The following COL6A2 variants were observed in gnomAD, a reference collection of about 807,000 sequenced individuals.
COL6A2 encodes collagen type VI alpha 2 chain, also known as collagen alpha-2(VI) chain.
A neutral mutation model predicts 124.9 loss-of-function variants in COL6A2; 90 were observed. The ratio of observed to expected loss-of-function variants is 0.72; its 90% CI spans 0.61 to 0.86. The LOEUF is 0.86. Among genes scored for constraint, COL6A2 ranks in the 40% least tolerant of loss-of-function variants. The probability of loss-of-function intolerance (pLI) is 0.00; values close to 1 mark genes in which losing one functional copy is unlikely to be tolerated. For synonymous variants in COL6A2, 793 were observed against 618.2 expected (o/e 1.28, Z -4.19); for missense variants, 1,607 against 1,502.5 (o/e 1.07, Z -1.15).
intron 27 of COL6A2, chr21:46,129,595 C>CGGGGTCAGCG: frequency 1.4e-6 from 2 of 1,437,504 alleles, no homozygotes; most frequent in Non-Finnish European, 1.8e-6. Context: ...GATCTGGAAT[C>CGGGGTCAGCG]GGGGTCAGCG....
chr21:46,128,137 A>T (rs1360538999), intron 27 of COL6A2, among the ~76,000 whole-genome samples: 2 of 152,152 alleles, frequency 1.3e-5, no homozygotes, highest in East Asian at 3.9e-4. Flanking sequence ...GAGTGAGCCC[A>T]TTCTCCCTCC....
rs779051092 is a variant in COL6A2 at position 46,116,858 on chromosome 21, G to C, written c.999+44G>C. ...TCACAGCTGGACTGGTCTCACAGAG[G>C]CATCCCAGCCTCTGCAGGGCCCCCA... On this transcript the variant is annotated intron_variant, in intron 10 of 27. Transcript: ENST00000300527. The surrounding 1 kb of genome is among the most constrained non-coding windows in gnomAD (Gnocchi z 4.6). 1 of 1,609,006 alleles carries C rather than the reference G, an allele frequency of 6.2e-7. No individual in the cohort carries two copies. Among genetic ancestry groups the C allele is most frequent in the South Asian group, 1.1e-5 (1 of 90,958 alleles).
chr21:46,100,542 A>G (rs890453280), intron 1 of COL6A2, among the ~76,000 whole-genome samples: 2 of 152,188 alleles, frequency 1.3e-5, no homozygotes, highest in Admixed American at 6.5e-5. Context: ...ACTGAAGCCC[A>G]TGGAGCACCA....
At chr21:46,114,098 G>T in intron 5 of COL6A2, 25 bp downstream of exon 5, 1 of 1,594,308 alleles carries the variant, frequency 6.3e-7, no homozygotes, top group Non-Finnish European at 8.6e-7. Context: ...TTACCTGCAG[G>T]GTCTGCGCTA....
At position 46,116,735 on chromosome 21, in the gene COL6A2, G is replaced by A. The variant is rs768672841; in HGVS notation, c.955-35G>A. 2.0e-5 allele frequency: 33 copies of A among 1,612,936 alleles called. No individual in the cohort carries two copies. The highest frequency in any genetic ancestry group is 2.4e-5 in the Non-Finnish European group (28 of 1,180,018). Reference sequence around the variant, plus strand: ...CCTGCTGCTCAGGGCAGAAGGACCGGGGCTAATGGAGTTCCCTCTTCCTTC... The same window carrying A: ...CCTGCTGCTCAGGGCAGAAGGACCGAGGCTAATGGAGTTCCCTCTTCCTTC... On this transcript the variant is annotated intron_variant, in intron 9 of 27. Coordinates refer to ENST00000300527, the MANE Select transcript of COL6A2 (RefSeq NM_001849.4). This position sits in a 1 kb window ranked among gnomAD's most constrained non-coding sequence, Gnocchi z 4.6.
chr21:46,121,482 G>A (rs1290550984), intron 17 of COL6A2, 74 bp from the exon 18 acceptor site: 17 of 1,431,478 alleles, frequency 1.2e-5, no homozygotes, highest in Admixed American at 1.7e-5. Flanking sequence ...GGGCTGGACG[G>A]GGCATGTCAG....
chr21:46,122,588 T>C (rs1248114609), intron 20 of COL6A2, 57 bp downstream of exon 20: 1 of 1,578,672 alleles, frequency 6.3e-7, no homozygotes, highest in East Asian at 2.2e-5. Flanking sequence ...GCACGCCCAA[T>C]TGCTGGGAAC....
At chr21:46,111,065 C>A (rs1381319910) in intron 1 of COL6A2, among the ~76,000 whole-genome samples, 10 of 152,190 alleles carry the variant, frequency 6.6e-5, no homozygotes, top group African/African-American at 2.4e-4. Flanking sequence ...CCCGCCCTCC[C>A]CTCTGCACTG....
intron 27 of COL6A2, chr21:46,129,697 G>A (rs927391594): frequency 2.8e-6 from 4 of 1,415,212 alleles, no homozygotes; most frequent in Non-Finnish European, 3.7e-6. Flanking sequence ...GCATCTTCCA[G>A]TCTCTCCTCC....
Position 46,132,126 on chromosome 21 carries a change from G to T in COL6A2, c.2634G>T (p.Ala878=). The T allele has an allele frequency of 6.3e-7, 1 of 1,579,578 alleles. No homozygotes were observed. The highest frequency in any genetic ancestry group is 8.6e-7 in the Non-Finnish European group (1 of 1,165,352). ...RDDDPLNARV[A]LLQFGGPGEQ... is the part of the protein sequence containing the mutation. ...ACGACCCTCTCAACGCACGCGTGGCGCTGCTGCAGTTTGGTGGCCCCGGCG... is the reference window on the plus strand; with the variant it reads ...ACGACCCTCTCAACGCACGCGTGGCTCTGCTGCAGTTTGGTGGCCCCGGCG... The change falls in exon 28 of 28, where the codon GCG becomes GCT. Residue 878 remains alanine (A), a synonymous_variant. Transcript: ENST00000300527.
At chr21:46,119,968 A>G in intron 15 of COL6A2, 118 bp downstream of exon 15, 3 of 901,228 alleles carry the variant, frequency 3.3e-6, no homozygotes, top group Non-Finnish European at 5.4e-6. Flanking sequence ...CTCACTCTCC[A>G]GAGTTCACTC....
rs758031910 is a variant in COL6A2 at position 46,122,854 on chromosome 21, A to G, written c.1609-21A>G. On this transcript the variant is annotated intron_variant, in intron 20 of 27. Coordinates refer to ENST00000300527, the MANE Select transcript of COL6A2 (RefSeq NM_001849.4). The stretch of plus-strand genomic sequence containing the variant: ...AGAGACAGCTCCTCTGTCCCAGGCT[A>G]ACATGTGTTCCCTGTCACAGGGAGG... 2.5e-6 allele frequency: 4 copies of G among 1,611,084 alleles called. No homozygotes were observed. The African/African-American group carries it at 5.3e-5, about 22-fold the overall frequency.
chr21:46,126,872 G>A (rs1384184338), intron 27 of COL6A2, among the ~76,000 whole-genome samples: 1 of 152,284 alleles, frequency 6.6e-6, no homozygotes, highest in Middle Eastern at 3.4e-3. Flanking sequence ...CAGCTCCCAT[G>A]GGCTGGCCGT....
chr21:46,124,750 C>G, intron 22 of COL6A2, 37 bp downstream of exon 22: 2 of 1,607,066 alleles, frequency 1.2e-6, no homozygotes, highest in Non-Finnish European at 1.7e-6. Context: ...CTCCCCCCAA[C>G]CTGCCAGGCC....
At chr21:46,128,872 C>T (rs749813717) in intron 27 of COL6A2, 6 of 1,579,232 alleles carry the variant, frequency 3.8e-6, no homozygotes, top group East Asian at 4.5e-5. Flanking sequence ...CACTGGAAGC[C>T]CTACTGGAGT....
intron 18 of COL6A2, 132 bp downstream of exon 18, chr21:46,121,750 C>T: frequency 1.1e-6 from 1 of 891,760 alleles, no homozygotes; most frequent in Non-Finnish European, 1.8e-6. Flanking sequence ...CTCCTGTTCT[C>T]AGCTCTGGAG....
At chr21:46,127,318 C>T (rs975479244) in intron 27 of COL6A2, among the ~76,000 whole-genome samples, 4 of 152,092 alleles carry the variant, frequency 2.6e-5, no homozygotes, top group South Asian at 4.1e-4. Context: ...CCTCAGCACG[C>T]GGGTCGCGGT....
At chr21:46,112,858 C>T (rs776933557) in intron 4 of COL6A2, 34 bp downstream of exon 4, 54 of 1,612,950 alleles carry the variant, frequency 3.3e-5, no homozygotes, top group East Asian at 8.9e-5. Context: ...CAGTGCTGGC[C>T]GGCAGCTGAC....
At chr21:46,110,033 G>A (rs2078377756) in intron 1 of COL6A2, among the ~76,000 whole-genome samples, 2 of 152,216 alleles carry the variant, frequency 1.3e-5, no homozygotes, top group South Asian at 4.1e-4. Flanking sequence ...CCCGGCTCCT[G>A]CTGGCTCCGT....
Sources: allele counts gnomAD v4.1 joint callset (sites outside exome capture counted in the v4.1 genomes callset), GRCh38; gene constraint gnomAD v4.1.1; non-coding constraint Gnocchi (gnomAD v3.1); transcripts MANE v1.5; gene names NCBI Gene and HGNC (gene_info 2026-07-23, HGNC 2026-07-21).